Variants in CRLF2 observed in about 807,000 individuals in gnomAD.
CRLF2 encodes cytokine receptor like factor 2.
CRLF2 carries 41 observed loss-of-function variants against 38.7 expected under a neutral mutation model. That is an observed-to-expected ratio of 1.06 (90% confidence interval 0.83 to 1.37). The LOEUF is 1.37. Among genes scored for constraint, CRLF2 ranks in the 40% most tolerant of loss-of-function variants. The probability of loss-of-function intolerance (pLI) is 0.00; values close to 1 mark genes in which losing one functional copy is unlikely to be tolerated. For missense variants in CRLF2, 377 were observed against 322.2 expected, an observed-to-expected ratio of 1.17 and a Z score of -1.30; for synonymous variants, 140 against 128.8, an observed-to-expected ratio of 1.09 and a Z score of -0.59.
chrX:1,193,632 A>G (rs1470139492), intron 6 of CRLF2, among the ~76,000 whole-genome samples: 10 of 151,748 alleles, frequency 6.6e-5, no homozygotes, highest in Admixed American at 2.0e-4. Context: ...ACAAAAAAAA[A>G]TTAGCCGGGC....
At position 1,196,928 on chromosome X, in the gene CRLF2, AGTTTTCAACATGACGTGCGGCTGTAC is replaced by A. The variant is rs780489622; in HGVS notation, c.647-54_647-29del. 6.3e-5 allele frequency: 101 copies of A among 1,609,134 alleles called. 1 individual carries two copies. Among genetic ancestry groups the A allele is most frequent in the African/African-American group, 5.3e-4 (40 of 74,794 alleles). On this transcript the variant is annotated intron_variant, in intron 5 of 7. Coordinates refer to ENST00000400841, the MANE Select transcript of CRLF2 (RefSeq NM_022148.4). Reference sequence around the variant, plus strand: ...GAAACAAAATGAAAAGGCGGCTGTCAGTTTTCAACATGACGTGCGGCTGTACGTTTTCAACGTGATGTTACATCTCA... The same window carrying A: ...GAAACAAAATGAAAAGGCGGCTGTCAGTTTTCAACGTGATGTTACATCTCA...
intron 1 of CRLF2, among the ~76,000 whole-genome samples, chrX:1,211,067 G>A (rs2086788262): frequency 6.6e-6 from 1 of 150,788 alleles, no homozygotes; most frequent in Non-Finnish European, 1.5e-5. Context: ...GTGGATGGAT[G>A]TGTTGGTGGA....
At chrX:1,198,795 T>C (rs1189705524) in intron 4 of CRLF2, 71 bp from the exon 5 acceptor site, 5 of 1,344,076 alleles carry the variant, frequency 3.7e-6, no homozygotes, top group African/African-American at 1.4e-5. Context: ...TGATTAGTGA[T>C]GTAACCTGTC....
rs1374005550 is a variant in CRLF2 at position 1,204,687 on chromosome X, A to AT, written c.349+1745dup. On this transcript the variant is annotated intron_variant, in intron 3 of 7. Transcript: ENST00000400841. ...AAGCGTGTGCCACCACGCCTGGCTA[A>AT]TTTTTTTTAAATTATTTTTAATAGA... 1.3e-4 allele frequency among the ~76,000 whole-genome samples: 19 copies of AT among 141,796 alleles called. 2 individuals are homozygous for AT. Among genetic ancestry groups the AT allele is most frequent in the Middle Eastern group, 4.5e-3 (1 of 222 alleles). 93.0% of individuals were successfully genotyped at this position (141,796 alleles called of 152,430 possible). A position where few individuals can be genotyped will look rare whatever the true frequency, so the allele number is the denominator to read the frequency against.
intron 1 of CRLF2, among the ~76,000 whole-genome samples, chrX:1,211,257 G>GTGGATGGATGGA (rs772836935): frequency 0.013 from 1,401 of 107,652 alleles, 7 homozygotes; most frequent in Admixed American, 0.017. Context: ...GGATGGATGG[G>GTGGATGGATGGA]TGGATGGATG....
chrX:1,202,621 A>G, intron 3 of CRLF2, 86 bp from the exon 4 acceptor site: 1 of 1,483,354 alleles, frequency 6.7e-7, no homozygotes, highest in Non-Finnish European at 9.3e-7. Context: ...TCTAGCCTGT[A>G]CCCCTCCTCC....
Position 1,206,448 on chromosome X carries a change from A to G in CRLF2, c.334T>C (p.Trp112Arg), listed in dbSNP as rs1336770560. 6.2e-7 allele frequency: 1 copy of G among 1,613,652 alleles called. No individual in the cohort carries two copies. The highest frequency in any genetic ancestry group is 8.5e-7 in the Non-Finnish European group (1 of 1,179,626). ...CAATACTTACGGTAATAAACCATCC[A>G]GCGACTTGCGGTGAAAACGGGGTGC... The part of the protein sequence containing the change: ...GTHPVFTASR[W>R]MVYYLKPSSP... The change falls in exon 3 of 8, where the codon TGG becomes CGG. Residue 112 changes from tryptophan (W) to arginine (R), a missense_variant. Coordinates refer to ENST00000400841, the MANE Select transcript of CRLF2 (RefSeq NM_022148.4).
chrX:1,197,811 C>A (rs1201589735), intron 5 of CRLF2, among the ~76,000 whole-genome samples: 1 of 148,134 alleles, frequency 6.8e-6, no homozygotes, highest in Non-Finnish European at 1.5e-5. Flanking sequence ...GAGACTCCCT[C>A]TAAAAAAAAA....
chrX:1,191,535 A>T (rs1210311044), intron 7 of CRLF2, among the ~76,000 whole-genome samples: 87 of 143,866 alleles, frequency 6.0e-4, no homozygotes, highest in Middle Eastern at 3.6e-3. Context: ...CCAAAAATAA[A>T]TTTTTTTTTT....
chrX:1,212,256 C>G (rs1245355180), intron 1 of CRLF2, among the ~76,000 whole-genome samples: 1 of 151,552 alleles, frequency 6.6e-6, no homozygotes, highest in Non-Finnish European at 1.5e-5. Flanking sequence ...TAGATAGACA[C>G]ACACACGCAC....
chrX:1,192,027 A>G, intron 7 of CRLF2, among the ~76,000 whole-genome samples: 1 of 142,280 alleles, frequency 7.0e-6, no homozygotes, highest in South Asian at 2.5e-4. Flanking sequence ...AACATGGTGA[A>G]ACCCCATCTC....
intron 1 of CRLF2, among the ~76,000 whole-genome samples, chrX:1,210,282 CATGTAATGAT>C (rs1323510256): frequency 1.3e-5 from 2 of 152,088 alleles, no homozygotes; most frequent in East Asian, 3.9e-4. Flanking sequence ...ATTGAGCAAA[CATGTAATGAT>C]ATTTTGCATA....
intron 5 of CRLF2, among the ~76,000 whole-genome samples, chrX:1,197,345 C>A (rs1361053763): frequency 2.0e-5 from 3 of 151,174 alleles, no homozygotes; most frequent in African/African-American, 7.3e-5. Flanking sequence ...TGGAAAATAT[C>A]CTGGAAAGAG....
intron 6 of CRLF2, among the ~76,000 whole-genome samples, chrX:1,195,792 A>G (rs2086462824): frequency 9.2e-6 from 1 of 108,780 alleles, no homozygotes; most frequent in Non-Finnish European, 1.8e-5. Flanking sequence ...AATTTTATAT[A>G]TATTTATATA....
intron 1 of CRLF2, among the ~76,000 whole-genome samples, chrX:1,211,495 A>G (rs1276999745): frequency 3.2e-5 from 1 of 31,278 alleles, no homozygotes; most frequent in South Asian, 1.5e-3. Context: ...ATGGATGGAT[A>G]AGTGGATAAA....
intron 5 of CRLF2, among the ~76,000 whole-genome samples, chrX:1,197,527 C>T (rs1307357586): frequency 4.0e-5 from 6 of 151,886 alleles, no homozygotes; most frequent in South Asian, 2.1e-4. Context: ...TGAAAACATA[C>T]GTCAAAGGCC....
At chrX:1,198,088 G>T (rs1186252151) in intron 5 of CRLF2, among the ~76,000 whole-genome samples, 46 of 152,114 alleles carry the variant, frequency 3.0e-4, no homozygotes, top group African/African-American at 1.0e-3. Context: ...GGCCCTGGAG[G>T]ATGACAGAAG....
intron 3 of CRLF2, among the ~76,000 whole-genome samples, chrX:1,204,096 A>AAAAAAAAAAAAAAAAAAAAAG (rs370190016): frequency 3.0e-5 from 4 of 133,440 alleles, no homozygotes; most frequent in African/African-American, 1.1e-4. Flanking sequence ...TCTCAAAAAA[A>AAAAAAAAAAAAAAAAAAAAAG]AGAGAGAACA....
intron 7 of CRLF2, 72 bp from the exon 8 acceptor site, chrX:1,191,232 C>T (rs1380042725): frequency 9.5e-5 from 38 of 398,736 alleles, no homozygotes; most frequent in East Asian, 8.9e-4. Context: ...TCCGTACAGA[C>T]GGTACCCACC....
Sources: allele counts gnomAD v4.1 joint callset (sites outside exome capture counted in the v4.1 genomes callset), GRCh38; gene constraint gnomAD v4.1.1; transcripts MANE v1.5; gene names NCBI Gene and HGNC (gene_info 2026-07-23, HGNC 2026-07-21).